Variants in PARD3B observed in about 807,000 individuals in gnomAD.
The protein encoded by PARD3B is par-3 family cell polarity regulator beta, also known as partitioning defective 3 homolog B.
Under a neutral mutation model 130.2 loss-of-function variants are expected in PARD3B, and 103 were observed. The observed-to-expected ratio is 0.79, with a 90% CI of 0.67 to 0.93. The LOEUF (loss-of-function observed/expected upper bound fraction) is 0.93. Ranked by LOEUF, PARD3B falls within the 40% of genes least tolerant of loss-of-function variation. The pLI is 0.00. For synonymous variants in PARD3B, 583 were observed against 553.2 expected (o/e 1.05, Z -0.76); for missense variants, 1,609 against 1,499.2 (o/e 1.07, Z -1.21).
intron 3 of PARD3B, among the ~76,000 whole-genome samples, chr2:205,039,503 T>C (rs1428730651): frequency 6.6e-6 from 1 of 152,178 alleles, no homozygotes; most frequent in Non-Finnish European, 1.5e-5. Flanking sequence ...GGAATCTCGC[T>C]TTGTCACCCA....
chr2:205,141,052 C>T (rs997844856), intron 10 of PARD3B, among the ~76,000 whole-genome samples: 5 of 152,114 alleles, frequency 3.3e-5, no homozygotes, highest in African/African-American at 4.8e-5. Context: ...CAAGAACTGC[C>T]TTAACAAGAA....
chr2:205,039,443 T>G (rs1698240662), intron 3 of PARD3B, among the ~76,000 whole-genome samples: 1 of 152,152 alleles, frequency 6.6e-6, no homozygotes, highest in South Asian at 2.1e-4. Flanking sequence ...AAAGTATTTC[T>G]TTCTGATGGA....
intron 2 of PARD3B, among the ~76,000 whole-genome samples, chr2:204,739,262 C>T (rs1559104507): frequency 6.6e-6 from 1 of 151,946 alleles, no homozygotes; most frequent in Non-Finnish European, 1.5e-5. Context: ...TTGATTGTGC[C>T]CCAGTATCTA....
intron 15 of PARD3B, among the ~76,000 whole-genome samples, chr2:205,215,749 C>T (rs1176889008): frequency 6.6e-6 from 1 of 151,938 alleles, no homozygotes; most frequent in Non-Finnish European, 1.5e-5. Context: ...CTATTTTCAT[C>T]TTCTACCCAG....
intron 2 of PARD3B, among the ~76,000 whole-genome samples, chr2:204,766,050 C>T (rs2041130917): frequency 6.6e-6 from 1 of 152,082 alleles, no homozygotes; most frequent in Non-Finnish European, 1.5e-5. Flanking sequence ...ATTGTCTTTC[C>T]TCCCAAACTT....
intron 2 of PARD3B, among the ~76,000 whole-genome samples, chr2:204,730,552 T>C (rs553240840): frequency 6.9e-6 from 1 of 144,330 alleles, no homozygotes; most frequent in Non-Finnish European, 1.5e-5. Context: ...CTAAAAGCAA[T>C]CTTGCAGACA....
At position 205,230,464 on chromosome 2, in the gene PARD3B, CTGCCCAG is replaced by C. The variant is rs1559565345; in HGVS notation, c.2141-15308_2141-15302del. 6.6e-6 allele frequency among the ~76,000 whole-genome samples: 1 copy of C among 152,164 alleles called. No individual in the cohort carries two copies. Among genetic ancestry groups the C allele is most frequent in the African/African-American group, 2.4e-5 (1 of 41,462 alleles). ...AGCCTAGAATGGGGGCCCCAGGACT[CTGCCCAG>C]TGCCCCCTACTGTGGTAGAGCTAGG... On this transcript the variant is annotated intron_variant, in intron 15 of 22. Transcript: ENST00000406610. This position sits in a 1 kb window ranked among gnomAD's most constrained non-coding sequence, Gnocchi z 4.1.
intron 20 of PARD3B, among the ~76,000 whole-genome samples, chr2:205,489,779 G>A (rs1033551394): frequency 2.0e-4 from 30 of 151,888 alleles, no homozygotes; most frequent in African/African-American, 7.0e-4. Flanking sequence ...ATAATAACTG[G>A]CATGTTGTTG....
At chr2:205,606,922 G>A (rs534884364) in intron 22 of PARD3B, among the ~76,000 whole-genome samples, 3 of 152,248 alleles carry the variant, frequency 2.0e-5, no homozygotes, top group Admixed American at 1.3e-4. Context: ...TGAGAGAAAT[G>A]TAGGCTCCCA....
chr2:205,524,446 C>A (rs1456037497), intron 21 of PARD3B, among the ~76,000 whole-genome samples: 2 of 152,138 alleles, frequency 1.3e-5, no homozygotes, highest in African/African-American at 4.8e-5. Context: ...TGGAGGAGAA[C>A]TTTGCATCTG....
chr2:205,523,084 T>A (rs892715292), intron 21 of PARD3B, among the ~76,000 whole-genome samples: 5 of 151,722 alleles, frequency 3.3e-5, no homozygotes, highest in Admixed American at 6.6e-5. Context: ...AGGCTTTTTC[T>A]TCCAAAGAAA....
At chr2:205,498,215 A>T (rs2050013899) in intron 20 of PARD3B, among the ~76,000 whole-genome samples, 1 of 149,748 alleles carries the variant, frequency 6.7e-6, no homozygotes, top group Admixed American at 6.7e-5. Flanking sequence ...AAAAAAAAAA[A>T]AACAGGCCAG....
intron 21 of PARD3B, among the ~76,000 whole-genome samples, chr2:205,524,626 TA>T (rs1487415800): frequency 6.6e-6 from 1 of 152,202 alleles, no homozygotes; most frequent in African/African-American, 2.4e-5. Context: ...TTCTATCTTT[TA>T]GATTTTTTCC....
At chr2:204,935,399 C>T (rs1688366383) in intron 2 of PARD3B, among the ~76,000 whole-genome samples, 6 of 148,778 alleles carry the variant, frequency 4.0e-5, no homozygotes, top group Admixed American at 4.0e-4. Flanking sequence ...ATTAGCCTGG[C>T]ATGGTGACGG....
chr2:205,489,551 T>TATACGTATATATATAC (rs2049603718), intron 20 of PARD3B, among the ~76,000 whole-genome samples: 1 of 138,494 alleles, frequency 7.2e-6, no homozygotes, highest in Admixed American at 7.5e-5. Context: ...TATATATGTA[T>TATACGTATATATATAC]ATATATACAT....
rs2030918724 is a variant in PARD3B, at chr2:205,122,895, A to C, written c.1165+946A>C. Among the ~76,000 whole-genome samples, 1 of 152,180 alleles carries C rather than the reference A, an allele frequency of 6.6e-6. No individual in the cohort carries two copies. The highest frequency in any genetic ancestry group is 1.9e-4 in the East Asian group (1 of 5,202). ...TGACTAGTAGGTACAAAAATACTTC[A>C]GTGTGCTTATCAATCAGGTTTTTTA... On this transcript the variant is annotated intron_variant, in intron 8 of 22. Transcript: ENST00000406610. The surrounding 1 kb of genome is among the most constrained non-coding windows in gnomAD (Gnocchi z 4.3).
chr2:205,364,801 T>A (rs1184760141), intron 18 of PARD3B, among the ~76,000 whole-genome samples: 10 of 152,194 alleles, frequency 6.6e-5, no homozygotes, highest in Admixed American at 5.9e-4. Flanking sequence ...TACAATTAGT[T>A]TAATTACAAT....
chr2:204,766,005 T>A (rs2041127924), intron 2 of PARD3B, among the ~76,000 whole-genome samples: 1 of 152,320 alleles, frequency 6.6e-6, no homozygotes, highest in South Asian at 2.1e-4. Flanking sequence ...GCAAATTAAT[T>A]TTAAAATTTT....
chr2:205,055,262 C>T (rs1479903882), intron 4 of PARD3B, among the ~76,000 whole-genome samples: 1 of 152,140 alleles, frequency 6.6e-6, no homozygotes, highest in Non-Finnish European at 1.5e-5. Flanking sequence ...TTCTTATATC[C>T]ATTACATCTA....
Sources: allele counts gnomAD v4.1 joint callset (sites outside exome capture counted in the v4.1 genomes callset), GRCh38; gene constraint gnomAD v4.1.1; non-coding constraint Gnocchi (gnomAD v3.1); transcripts MANE v1.5; gene names NCBI Gene and HGNC (gene_info 2026-07-23, HGNC 2026-07-21).